FHIT: variants seen among roughly 807,000 people sequenced by gnomAD.
FHIT encodes bis(5'-adenosyl)-triphosphatase.
FHIT carries 19 observed loss-of-function variants against 17.9 expected under a neutral mutation model. The ratio of observed to expected loss-of-function variants is 1.06; its 90% CI spans 0.74 to 1.56. FHIT has a LOEUF of 1.56. Among genes scored for constraint, FHIT ranks in the 40% most tolerant of loss-of-function variants. FHIT has a pLI of 0.00. For synonymous variants in FHIT, 81 were observed against 69.7 expected (o/e 1.16, Z -0.81); for missense variants, 248 against 189.2 (o/e 1.31, Z -1.82).
chr3:60,634,689 T>C (rs2039534103), intron 4 of FHIT, among the ~76,000 whole-genome samples: 1 of 152,198 alleles, frequency 6.6e-6, no homozygotes, highest in East Asian at 1.9e-4. Context: ...AAAAAATCTT[T>C]GTGATAAATG....
At chr3:59,900,190 C>A (rs1046314202) in intron 8 of FHIT, among the ~76,000 whole-genome samples, 8 of 152,114 alleles carry the variant, frequency 5.3e-5, no homozygotes, top group African/African-American at 1.4e-4. Context: ...GCCTGGACAG[C>A]AAGAATGACT....
intron 5 of FHIT, among the ~76,000 whole-genome samples, chr3:60,494,069 A>G (rs2034185572): frequency 6.6e-6 from 1 of 152,226 alleles, no homozygotes; most frequent in Non-Finnish European, 1.5e-5. Flanking sequence ...TCACATAACA[A>G]AATTCATCAA....
At chr3:60,975,152 C>T (rs1710182402) in intron 3 of FHIT, among the ~76,000 whole-genome samples, 2 of 152,150 alleles carry the variant, frequency 1.3e-5, no homozygotes, top group Admixed American at 1.3e-4. Flanking sequence ...GAGGATCATA[C>T]ATTTCTACTC....
intron 5 of FHIT, among the ~76,000 whole-genome samples, chr3:60,327,226 G>A (rs1428166977): frequency 6.6e-6 from 1 of 152,208 alleles, no homozygotes; most frequent in African/African-American, 2.4e-5. Flanking sequence ...CACCAGGGAA[G>A]GGGTTTGAAG....
chr3:61,209,407 AGT>A (rs1246886964), intron 1 of FHIT, among the ~76,000 whole-genome samples: 3 of 152,150 alleles, frequency 2.0e-5, no homozygotes, highest in Non-Finnish European at 4.4e-5. Flanking sequence ...TATCCTGCAG[AGT>A]GTTTTCCAAC....
At chr3:60,051,326 CTTTTTTT>C (rs773498624) in intron 5 of FHIT, among the ~76,000 whole-genome samples, 2 of 131,904 alleles carry the variant, frequency 1.5e-5, no homozygotes, top group Non-Finnish European at 3.2e-5. Flanking sequence ...ATTTAGGATG[CTTTTTTT>C]TTTTTTTTTT....
In FHIT at chr3:61,067,250, A is replaced by G. The variant is rs534340543; in HGVS notation, c.-163-25151T>C. 6.6e-5 allele frequency among the ~76,000 whole-genome samples: 10 copies of G among 152,296 alleles called. No individual in the cohort carries two copies. In the South Asian group the frequency reaches 2.1e-3, roughly 32 times the overall value. On this transcript the variant is annotated intron_variant, in intron 2 of 9. Coordinates refer to ENST00000492590, the MANE Select transcript of FHIT (RefSeq NM_002012.4). ...ATCAGGAGTCCCCAAGACAATCCTTAGACTCAATGATTCACTAAAAGACTC... is the reference window on the plus strand; with the variant it reads ...ATCAGGAGTCCCCAAGACAATCCTTGGACTCAATGATTCACTAAAAGACTC...
rs141590671 is a variant in FHIT, at chr3:60,006,635, T to C, written c.279+4736A>G. On this transcript the variant is annotated intron_variant, in intron 7 of 9. Coordinates refer to ENST00000492590, the MANE Select transcript of FHIT (RefSeq NM_002012.4). Reference sequence around the variant, plus strand: ...TTTTCTCCACTATCATTCAATATAATAGATAGGGTTTCCGCATTCAAAAAA... The same window carrying C: ...TTTTCTCCACTATCATTCAATATAACAGATAGGGTTTCCGCATTCAAAAAA... Among the ~76,000 whole-genome samples the C allele has an allele frequency of 3.0e-4, 45 of 150,358 alleles. 2 individuals carry two copies. The highest frequency in any genetic ancestry group is 1.0e-3 in the African/African-American group (42 of 41,134).
At chr3:61,073,041 G>A (rs1251430128) in intron 2 of FHIT, among the ~76,000 whole-genome samples, 1 of 152,086 alleles carries the variant, frequency 6.6e-6, no homozygotes, top group Non-Finnish European at 1.5e-5. Flanking sequence ...TCCAAGGAAA[G>A]ACATGTGCTG....
In FHIT at chr3:60,017,542, T is replaced by C. The variant is rs535342151; in HGVS notation, c.104-3390A>G. ...CAGGTTGTCAGACACACTGAATCCA[T>C]TGCTTGTTGGACAGTCTAATTACTG... On this transcript the variant is annotated intron_variant, in intron 5 of 9. Coordinates refer to ENST00000492590, the MANE Select transcript of FHIT (RefSeq NM_002012.4). Among the ~76,000 whole-genome samples the C allele has an allele frequency of 5.9e-5, 9 of 152,332 alleles. No individual in the cohort carries two copies. The East Asian group carries it at 1.7e-3, about 29-fold the overall frequency.
intron 5 of FHIT, among the ~76,000 whole-genome samples, chr3:60,264,436 C>T (rs767991568): frequency 3.6e-4 from 55 of 151,926 alleles, no homozygotes; most frequent in Non-Finnish European, 5.7e-4. Context: ...AAAATTATCA[C>T]AGTGGAAAAT....
intron 7 of FHIT, among the ~76,000 whole-genome samples, chr3:59,987,977 G>A (rs181424795): frequency 1.1e-3 from 171 of 152,146 alleles, no homozygotes; most frequent in African/African-American, 4.1e-3. Context: ...ACAGAAAAAT[G>A]CCTCATGTAG....
At chr3:60,495,944 CTG>C (rs1200974983) in intron 5 of FHIT, among the ~76,000 whole-genome samples, 1 of 152,024 alleles carries the variant, frequency 6.6e-6, no homozygotes, top group Non-Finnish European at 1.5e-5. Flanking sequence ...GAATGGAACA[CTG>C]TTTTTCCATA....
chr3:60,915,627 A>C (rs750374749), intron 3 of FHIT, among the ~76,000 whole-genome samples: 9 of 152,176 alleles, frequency 5.9e-5, no homozygotes, highest in Non-Finnish European at 1.0e-4. Context: ...GAAATAAAGA[A>C]AGAAGGGGAG....
chr3:61,047,547 T>C (rs1256433059), intron 2 of FHIT, among the ~76,000 whole-genome samples: 2 of 152,064 alleles, frequency 1.3e-5, no homozygotes, highest in Non-Finnish European at 2.9e-5. Context: ...ATGAAAATGG[T>C]TATACTGCCC....
At chr3:60,406,090 A>G (rs981508830) in intron 5 of FHIT, among the ~76,000 whole-genome samples, 40 of 152,328 alleles carry the variant, frequency 2.6e-4, no homozygotes, top group African/African-American at 9.6e-4. Flanking sequence ...CATAATATGG[A>G]GGTATCAGGT....
chr3:60,504,806 T>C (rs921740963), intron 5 of FHIT, among the ~76,000 whole-genome samples: 4 of 152,228 alleles, frequency 2.6e-5, no homozygotes, highest in South Asian at 4.1e-4. Flanking sequence ...TGCCCGGTAG[T>C]AAGCCCAATG....
chr3:61,068,231 T>C (rs2034679245), intron 2 of FHIT, among the ~76,000 whole-genome samples: 1 of 152,228 alleles, frequency 6.6e-6, no homozygotes, highest in African/African-American at 2.4e-5. Flanking sequence ...AATCAAGGTG[T>C]AAGCAGACTC....
intron 3 of FHIT, among the ~76,000 whole-genome samples, chr3:60,946,443 C>A (rs67072589): frequency 0.1 from 15,312 of 152,026 alleles, 1,044 homozygotes; most frequent in East Asian, 0.23. Flanking sequence ...CAATTACTCC[C>A]TAGGAGAGTG....
Sources: gnomAD v4.1 joint callset for allele counts (sites outside exome capture counted in the v4.1 genomes callset) on GRCh38, gnomAD v4.1.1 for gene constraint, MANE v1.5 for transcripts, NCBI Gene and HGNC (gene_info 2026-07-23, HGNC 2026-07-21) for gene names.